The following ACER3 variants were observed in gnomAD, a reference collection of about 807,000 sequenced individuals.
ACER3 encodes the protein alkCDase 3.
A neutral mutation model predicts 48.9 loss-of-function variants in ACER3; 16 were observed. The ratio of observed to expected loss-of-function variants is 0.33; its 90% CI spans 0.22 to 0.50. The LOEUF (loss-of-function observed/expected upper bound fraction) is 0.50. Ranked by LOEUF, ACER3 falls within the 20% of genes least tolerant of loss-of-function variation. The pLI, the probability that ACER3 is intolerant of heterozygous loss-of-function variation, is 0.98. For missense variants in ACER3, 227 were observed against 326.0 expected (o/e 0.70, Z 2.34); for synonymous variants, 109 against 107.8 (o/e 1.01, Z -0.07).
chr11:76,897,243 C>T (rs866101711), intron 1 of ACER3, among the ~76,000 whole-genome samples: 15 of 152,180 alleles, frequency 9.9e-5, no homozygotes, highest in African/African-American at 3.4e-4. Flanking sequence ...AGGCATGAGC[C>T]ACCACACCTG....
intron 1 of ACER3, among the ~76,000 whole-genome samples, chr11:76,907,217 A>G (rs2134703510): frequency 6.6e-6 from 1 of 152,330 alleles, no homozygotes; most frequent in African/African-American, 2.4e-5. Context: ...ATTCTTTATG[A>G]TAGGCCCAGG....
chr11:76,946,788 G>A (rs1947485466), intron 2 of ACER3, among the ~76,000 whole-genome samples: 1 of 152,192 alleles, frequency 6.6e-6, no homozygotes, highest in Non-Finnish European at 1.5e-5. Context: ...GCTGGTCTAG[G>A]CTTGGATGCC....
At chr11:76,992,908 A>T (rs2135235950) in intron 6 of ACER3, among the ~76,000 whole-genome samples, 1 of 150,828 alleles carries the variant, frequency 6.6e-6, no homozygotes, top group South Asian at 2.1e-4. Flanking sequence ...TCGCCCTGTC[A>T]CCCAGGCTGG....
intron 1 of ACER3, among the ~76,000 whole-genome samples, chr11:76,885,294 A>T (rs187212313): frequency 0.014 from 2,070 of 151,350 alleles, 20 homozygotes; most frequent in Non-Finnish European, 0.02. Context: ...TTTTTTTTTT[A>T]AATTTTACTG....
At chr11:76,980,127 G>C (rs754483565) in intron 4 of ACER3, among the ~76,000 whole-genome samples, 17 of 152,084 alleles carry the variant, frequency 1.1e-4, no homozygotes, top group Middle Eastern at 3.4e-3. Context: ...AACAGAGGGA[G>C]ACCCTGTCTC....
intron 4 of ACER3, among the ~76,000 whole-genome samples, chr11:76,980,235 A>G (rs2135172544): frequency 6.6e-6 from 1 of 152,380 alleles, no homozygotes; most frequent in Non-Finnish European, 1.5e-5. Context: ...GTCTAAAAAA[A>G]TAAGGTAAAC....
intron 1 of ACER3, among the ~76,000 whole-genome samples, chr11:76,881,885 G>A (rs1182034264): frequency 1.3e-5 from 2 of 151,300 alleles, no homozygotes; most frequent in African/African-American, 4.9e-5. Flanking sequence ...TGATCGTTAT[G>A]TATTCAAATT....
At chr11:76,991,871 G>A (rs1334958249) in intron 6 of ACER3, among the ~76,000 whole-genome samples, 2 of 149,456 alleles carry the variant, frequency 1.3e-5, no homozygotes, top group African/African-American at 4.9e-5. Context: ...CTTGTTTATT[G>A]TAACTTGAAA....
At chr11:76,883,439 T>C (rs1343158941) in intron 1 of ACER3, among the ~76,000 whole-genome samples, 1 of 31,108 alleles carries the variant, frequency 3.2e-5, no homozygotes, top group African/African-American at 5.5e-5. Context: ...ATTTTCTTGC[T>C]TTTTTTTTTT....
intron 2 of ACER3, among the ~76,000 whole-genome samples, chr11:76,946,542 G>A (rs1013804667): frequency 1.3e-5 from 2 of 152,186 alleles, no homozygotes; most frequent in African/African-American, 4.8e-5. Context: ...GGTGCCTAGG[G>A]TGGGGACTAG....
At chr11:76,865,577 T>G (rs1313741541) in intron 1 of ACER3, among the ~76,000 whole-genome samples, 3 of 151,802 alleles carry the variant, frequency 2.0e-5, no homozygotes, top group African/African-American at 7.3e-5. Flanking sequence ...GGCGCAATCT[T>G]GGCTCACTGC....
At chr11:76,960,754 G>T (rs1188169699) in intron 3 of ACER3, among the ~76,000 whole-genome samples, 2 of 152,138 alleles carry the variant, frequency 1.3e-5, no homozygotes, top group Non-Finnish European at 1.5e-5. Flanking sequence ...GAGGGTATTT[G>T]CACATCAAGG....
chr11:76,941,100 C>A (rs1258089391), intron 2 of ACER3, among the ~76,000 whole-genome samples: 1 of 151,752 alleles, frequency 6.6e-6, no homozygotes, highest in Non-Finnish European at 1.5e-5. Flanking sequence ...AGGAACACAA[C>A]TTTACCTGGA....
chr11:76,880,760 A>G (rs781171131), intron 1 of ACER3, among the ~76,000 whole-genome samples: 1 of 152,158 alleles, frequency 6.6e-6, no homozygotes, highest in Non-Finnish European at 1.5e-5. Context: ...TTTTTAGTTT[A>G]TATGGCCTGC....
At chr11:76,875,792 G>GA (rs1945365434) in intron 1 of ACER3, among the ~76,000 whole-genome samples, 2 of 123,470 alleles carry the variant, frequency 1.6e-5, no homozygotes, top group Non-Finnish European at 3.2e-5. Flanking sequence ...CTGGAGTGCA[G>GA]TGGCATGATC....
rs1948748050 is a variant in ACER3 at position 76,989,231 on chromosome 11, AT to A, written c.403-1307del. Reference sequence around the variant, plus strand: ...ACACATCATACTTTTAAAGCTCACAATGCTTAAAGGAAATAATCTGGGTTTG... The same window carrying A: ...ACACATCATACTTTTAAAGCTCACAAGCTTAAAGGAAATAATCTGGGTTTG... On this transcript the variant is annotated intron_variant, in intron 5 of 10. Coordinates refer to ENST00000532485, the MANE Select transcript of ACER3 (RefSeq NM_018367.7). Among the ~76,000 whole-genome samples the A allele has an allele frequency of 2.0e-5, 3 of 151,498 alleles. No individual in the cohort carries two copies. In the South Asian group the frequency reaches 6.2e-4, roughly 31 times the overall value.
intron 3 of ACER3, among the ~76,000 whole-genome samples, chr11:76,968,830 T>G (rs987717604): frequency 6.6e-6 from 1 of 152,044 alleles, no homozygotes; most frequent in African/African-American, 2.4e-5. Flanking sequence ...GACCTAAAAC[T>G]ATAAAAACCC....
chr11:76,965,815 A>G (rs1948121805), intron 3 of ACER3, among the ~76,000 whole-genome samples: 1 of 151,256 alleles, frequency 6.6e-6, no homozygotes. Flanking sequence ...GAAGCACTAA[A>G]CATGGAAAGG....
rs556967808 is a variant in ACER3 at position 76,928,526 on chromosome 11, G to A, written c.214+1859G>A. Reference sequence around the variant, plus strand: ...ATGCTTTTGGTGTTTTAGACATGAAGTCCTTGCCCATGCCTATGTCCTGAA... The same window carrying A: ...ATGCTTTTGGTGTTTTAGACATGAAATCCTTGCCCATGCCTATGTCCTGAA... On this transcript the variant is annotated intron_variant, in intron 2 of 10. Transcript: ENST00000532485. Among the ~76,000 whole-genome samples, 3 of 152,282 alleles carry A rather than the reference G, an allele frequency of 2.0e-5. No homozygotes were observed. In the South Asian group the frequency reaches 6.2e-4, roughly 32 times the overall value.
Sources: gnomAD v4.1 joint callset for allele counts (sites outside exome capture counted in the v4.1 genomes callset) on GRCh38, gnomAD v4.1.1 for gene constraint, MANE v1.5 for transcripts, NCBI Gene and HGNC (gene_info 2026-07-23, HGNC 2026-07-21) for gene names.